Variants in TRPM3 observed in about 807,000 individuals in gnomAD.
The protein encoded by TRPM3 is long transient receptor potential channel 3.
A neutral mutation model predicts 181.2 loss-of-function variants in TRPM3; 77 were observed. The ratio of observed to expected loss-of-function variants is 0.42; its 90% CI spans 0.35 to 0.51. The LOEUF (loss-of-function observed/expected upper bound fraction) is 0.51. Among genes scored for constraint, TRPM3 ranks in the 20% least tolerant of loss-of-function variants. The pLI, the probability that TRPM3 is intolerant of heterozygous loss-of-function variation, is 0.01. For synonymous variants in TRPM3, 745 were observed against 796.4 expected (o/e 0.94, Z 1.09); for missense variants, 1,759 against 2,196.7 (o/e 0.80, Z 3.98).
intron 1 of TRPM3, among the ~76,000 whole-genome samples, chr9:70,890,897 G>C (rs1325836403): frequency 6.6e-6 from 1 of 151,962 alleles, no homozygotes; most frequent in Non-Finnish European, 1.5e-5. Flanking sequence ...CAGCAGAGCT[G>C]GGAACAGCCA....
rs542325855 is a variant in TRPM3 at position 71,318,097 on chromosome 9, C to T, written c.183+128556G>A. Reference sequence around the variant, plus strand: ...AGACCCTGTCTCTACAAAAAACAAACAAAAAAATACAGTGGGGAAAAAAAT... The same window carrying T: ...AGACCCTGTCTCTACAAAAAACAAATAAAAAAATACAGTGGGGAAAAAAAT... On this transcript the variant is annotated intron_variant, in intron 1 of 24. Coordinates refer to the TRPM3 transcript ENST00000357533. Among the ~76,000 whole-genome samples, 3 of 151,682 alleles carry T rather than the reference C, an allele frequency of 2.0e-5. No individual in the cohort carries two copies. The East Asian group carries it at 5.8e-4, about 29-fold the overall frequency.
chr9:71,010,441 T>C (rs536734891), intron 1 of TRPM3, among the ~76,000 whole-genome samples: 1 of 151,894 alleles, frequency 6.6e-6, no homozygotes, highest in South Asian at 2.1e-4. Flanking sequence ...AATAATCCAT[T>C]TGAAAAATGC....
At chr9:71,172,355 A>AAG (rs2076909206) in intron 1 of TRPM3, among the ~76,000 whole-genome samples, 1 of 152,156 alleles carries the variant, frequency 6.6e-6, no homozygotes. Context: ...AAATGTCTTT[A>AAG]ATAGTTTTAT....
At chr9:71,215,336 T>C (rs2079799066) in intron 1 of TRPM3, among the ~76,000 whole-genome samples, 1 of 152,222 alleles carries the variant, frequency 6.6e-6, no homozygotes, top group South Asian at 2.1e-4. Context: ...GTCCTTTTCA[T>C]GGTGCTTCTG....
intron 1 of TRPM3, among the ~76,000 whole-genome samples, chr9:71,296,002 G>A (rs115593723): frequency 1.3e-5 from 2 of 152,082 alleles, no homozygotes; most frequent in Non-Finnish European, 2.9e-5. Context: ...TAGGGGAGTC[G>A]ATACATTCTC....
intron 1 of TRPM3, among the ~76,000 whole-genome samples, chr9:71,438,441 G>A (rs539238814): frequency 4.8e-4 from 73 of 152,228 alleles, no homozygotes; most frequent in Non-Finnish European, 5.7e-4. Context: ...AGGCTGAGGT[G>A]GAAGGATCAC....
intron 1 of TRPM3, among the ~76,000 whole-genome samples, chr9:70,959,087 G>A (rs570326534): frequency 2.6e-5 from 4 of 151,272 alleles, no homozygotes; most frequent in South Asian, 2.1e-4. Flanking sequence ...ACACCAGCAT[G>A]GCACATGTAT....
chr9:71,176,536 T>C lies in TRPM3; in HGVS notation c.183+270117A>G, dbSNP rs138739500. On this transcript the variant is annotated intron_variant, in intron 1 of 24. Transcript: ENST00000357533. ...TCAAACAATTTAAAAGTTTATAATGTAAAGAAATTAAAGCTGACATTAATT... is the reference window on the plus strand; with the variant it reads ...TCAAACAATTTAAAAGTTTATAATGCAAAGAAATTAAAGCTGACATTAATT... Among the ~76,000 whole-genome samples the C allele has an allele frequency of 4.3e-3, 657 of 152,174 alleles. 6 individuals are homozygous for C. Among genetic ancestry groups the C allele is most frequent in the African/African-American group, 0.015 (634 of 41,550 alleles).
chr9:70,535,508 G>A lies in TRPM3; in HGVS notation c.*445C>T. 6.5e-7 allele frequency: 1 copy of A among 1,550,116 alleles called. No homozygotes were observed. Among genetic ancestry groups the A allele is most frequent in the Admixed American group, 2.0e-5 (1 of 50,946 alleles). ...GAAAAGAAAACAGAATGGAAGTTTA[G>A]AATATCTCATTGTGTACGCTGGCTA... On this transcript the variant is annotated 3_prime_UTR_variant, in exon 26 of 26. Transcript: ENST00000677713.
Position 70,591,348 on chromosome 9 carries a change from G to A in TRPM3, c.3049-143C>T, listed in dbSNP as rs2058077136. ...AAGGGATGTTTAGACAGGGAGTTGT[G>A]TCCAGATAAGAAGATGCTTGGTCTG... On this transcript the variant is annotated intron_variant, in intron 21 of 25. Coordinates refer to ENST00000677713, the MANE Select transcript of TRPM3 (RefSeq NM_001366145.2). 6 of 666,780 alleles carry A rather than the reference G, an allele frequency of 9.0e-6. No homozygotes were observed. The South Asian group carries it at 1.1e-4, about 12-fold the overall frequency. 41.3% of individuals were successfully genotyped at this position (666,780 alleles called of 1,614,324 possible). A position where few individuals can be genotyped will look rare whatever the true frequency, so the allele number is the denominator to read the frequency against.
chr9:70,887,678 T>A lies in TRPM3; in HGVS notation c.178-23167A>T, dbSNP rs182043710. 2.3e-3 allele frequency among the ~76,000 whole-genome samples: 345 copies of A among 152,266 alleles called. 2 individuals are homozygous for A. Among genetic ancestry groups the A allele is most frequent in the African/African-American group, 7.7e-3 (318 of 41,552 alleles). On this transcript the variant is annotated intron_variant, in intron 1 of 25. Coordinates refer to ENST00000677713, the MANE Select transcript of TRPM3 (RefSeq NM_001366145.2). ...ACAGTTGAAGGAATGAGGCAGCCCA[T>A]ACAAATCTATTTTCTTAGTATCTGG...
intron 1 of TRPM3, among the ~76,000 whole-genome samples, chr9:70,895,951 A>G (rs988695080): frequency 1.3e-5 from 2 of 152,144 alleles, no homozygotes; most frequent in African/African-American, 4.8e-5. Context: ...ATCTCACCAC[A>G]TAGGGAAAAT....
chr9:70,560,342 C>G (rs182982400), intron 22 of TRPM3, among the ~76,000 whole-genome samples: 3 of 152,310 alleles, frequency 2.0e-5, no homozygotes, highest in Non-Finnish European at 4.4e-5. Context: ...GGGCACTACC[C>G]TCTGTCTGAC....
chr9:71,404,354 TCAGATGCATTTC>T (rs2093396787), intron 1 of TRPM3, among the ~76,000 whole-genome samples: 1 of 152,230 alleles, frequency 6.6e-6, no homozygotes. Context: ...TCAACCTTAA[TCAGATGCATTTC>T]CACCTGAACA....
rs868815885 is a variant in TRPM3, at chr9:71,343,487, T to C, written c.183+103166A>G. The stretch of plus-strand genomic sequence containing the variant: ...TATTATGTTGGACAATGAATAGATC[T>C]GTTGATATTGTTGAGAGCTAGGACA... On this transcript the variant is annotated intron_variant, in intron 1 of 24. Coordinates refer to the TRPM3 transcript ENST00000357533. 3.0e-4 allele frequency among the ~76,000 whole-genome samples: 46 copies of C among 152,222 alleles called. No homozygotes were observed. The Middle Eastern group carries it at 0.01, about 34-fold the overall frequency.
At chr9:71,218,571 G>T (rs1174511632) in intron 1 of TRPM3, among the ~76,000 whole-genome samples, 5 of 152,062 alleles carry the variant, frequency 3.3e-5, no homozygotes, top group Non-Finnish European at 7.4e-5. Flanking sequence ...TATAGACATT[G>T]CATCCTTCAT....
At chr9:70,563,586 T>C (rs1339393660) in intron 22 of TRPM3, among the ~76,000 whole-genome samples, 5 of 152,202 alleles carry the variant, frequency 3.3e-5, no homozygotes, top group Admixed American at 3.3e-4. Context: ...TCAGACTCTT[T>C]GTGTTTAGAA....
At chr9:71,180,000 A>G in intron 1 of TRPM3, among the ~76,000 whole-genome samples, 1 of 145,070 alleles carries the variant, frequency 6.9e-6, no homozygotes, top group South Asian at 2.3e-4. Context: ...ATAGAACATG[A>G]TTGGTTTTAC....
At chr9:70,663,156 G>C (rs1306151636) in intron 9 of TRPM3, among the ~76,000 whole-genome samples, 2 of 152,142 alleles carry the variant, frequency 1.3e-5, no homozygotes, top group African/African-American at 2.4e-5. Flanking sequence ...ACCGAATATT[G>C]TATGTTCTCA....
Sources: allele counts gnomAD v4.1 joint callset (sites outside exome capture counted in the v4.1 genomes callset), GRCh38; gene constraint gnomAD v4.1.1; transcripts MANE v1.5; gene names NCBI Gene and HGNC (gene_info 2026-07-23, HGNC 2026-07-21).